QKI: variants seen among roughly 807,000 people sequenced by gnomAD.
The protein encoded by QKI is QKI, KH domain containing RNA binding.
Under a neutral mutation model 39.0 loss-of-function variants are expected in QKI, and 10 were observed. That is an observed-to-expected ratio of 0.26 (90% CI 0.16 to 0.43). The LOEUF (loss-of-function observed/expected upper bound fraction) is 0.43. Ranked by LOEUF, QKI falls within the 20% of genes least tolerant of loss-of-function variation. The pLI, the probability that QKI is intolerant of heterozygous loss-of-function variation, is 1.00. For synonymous variants in QKI, 204 were observed against 155.4 expected (o/e 1.31, Z -2.33); for missense variants, 218 against 428.0 (o/e 0.51, Z 4.33).
chr6:163,576,701 A>G lies in QKI; in HGVS notation c.*5991A>G, dbSNP rs749896981. ...GCATGTGCTTCATCCTCTCAAGCCA[A>G]CTGCAGCTGGAAAGTGCTGCTTATC... On this transcript the variant is annotated 3_prime_UTR_variant, in exon 8 of 8. Transcript: ENST00000361752. 6.6e-6 allele frequency: 1 copy of G among 152,158 alleles called. No homozygotes were observed. The highest frequency in any genetic ancestry group is 1.9e-4 in the East Asian group (1 of 5,196). The allele number at this position is 152,158 out of a possible 1,614,324, so 9.4% of individuals were successfully genotyped here. A position where few individuals can be genotyped will look rare whatever the true frequency, so the allele number is the denominator to read the frequency against.
At chr6:163,453,283 T>A (rs1192969364) in intron 1 of QKI, among the ~76,000 whole-genome samples, 1 of 152,104 alleles carries the variant, frequency 6.6e-6, no homozygotes, top group African/African-American at 2.4e-5. Flanking sequence ...TTTCAGATGT[T>A]TGCATCTATA....
In QKI at chr6:163,434,372, A is replaced by G. The variant is rs540654671; in HGVS notation, c.142+19037A>G. Among the ~76,000 whole-genome samples, 3 of 152,326 alleles carry G rather than the reference A, an allele frequency of 2.0e-5. No homozygotes were observed. The East Asian group carries it at 5.8e-4, about 29-fold the overall frequency. The stretch of plus-strand genomic sequence containing the variant: ...AGTTAGTTTTTTACCTAGATTTTAT[A>G]AAAACTAAACAATAATCAAGTTTAC... On this transcript the variant is annotated intron_variant, in intron 1 of 7. Coordinates refer to ENST00000361752, the MANE Select transcript of QKI (RefSeq NM_006775.3).
intron 3 of QKI, among the ~76,000 whole-genome samples, chr6:163,492,084 C>G (rs1778090349): frequency 6.6e-6 from 1 of 152,144 alleles, no homozygotes; most frequent in South Asian, 2.1e-4. Flanking sequence ...TTAGAGGATT[C>G]AGCTCTCTGT....
intron 6 of QKI, chr6:163,566,395 A>C: frequency 5.7e-6 from 7 of 1,222,144 alleles, no homozygotes; most frequent in Non-Finnish European, 7.2e-6. Context: ...TCCTGCTGCA[A>C]GAAAGGCACT....
At chr6:163,563,839 C>G in intron 6 of QKI, 120 bp downstream of exon 6, 2 of 1,475,054 alleles carry the variant, frequency 1.4e-6, no homozygotes, top group African/African-American at 1.4e-5. Flanking sequence ...TAGGGAAGAC[C>G]GAAAACTAAA....
chr6:163,462,788 A>G (rs1463215072), intron 2 of QKI, among the ~76,000 whole-genome samples: 2 of 152,152 alleles, frequency 1.3e-5, no homozygotes, highest in Non-Finnish European at 2.9e-5. Context: ...TATAGCCACA[A>G]TCCTGGTATG....
intron 1 of QKI, among the ~76,000 whole-genome samples, chr6:163,452,814 G>A (rs968608141): frequency 3.9e-5 from 6 of 151,982 alleles, no homozygotes; most frequent in African/African-American, 1.2e-4. Context: ...TGAAATCTCC[G>A]CCTCCTGAGT....
intron 1 of QKI, among the ~76,000 whole-genome samples, chr6:163,422,888 G>C (rs1225975131): frequency 2.6e-5 from 4 of 152,126 alleles, no homozygotes; most frequent in Non-Finnish European, 2.9e-5. Flanking sequence ...GGGAGCCCTT[G>C]GTTTTTAAGC....
intron 6 of QKI, chr6:163,564,737 G>C: frequency 6.2e-7 from 1 of 1,613,974 alleles, no homozygotes; most frequent in Non-Finnish European, 8.5e-7. Flanking sequence ...CTAGAATACA[G>C]CAGCTGTTAT....
intron 6 of QKI, 109 bp from the exon 7 acceptor site, chr6:163,566,612 T>C: frequency 6.5e-7 from 1 of 1,543,236 alleles, no homozygotes; most frequent in Non-Finnish European, 8.7e-7. Flanking sequence ...TTCTTAAACT[T>C]TTGTAGTAAA....
intron 3 of QKI, among the ~76,000 whole-genome samples, chr6:163,490,218 A>G (rs1191206754): frequency 6.6e-6 from 1 of 152,192 alleles, no homozygotes; most frequent in Non-Finnish European, 1.5e-5. Flanking sequence ...TATTTGTGAT[A>G]CTTAATTCCA....
chr6:163,511,167 C>T (rs73019469), intron 3 of QKI, among the ~76,000 whole-genome samples: 3,414 of 152,078 alleles, frequency 0.022, 60 homozygotes, highest in Middle Eastern at 0.037. Flanking sequence ...AAAGGGAAAT[C>T]AGAAAATATT....
At chr6:163,524,440 C>A (rs1780348101) in intron 3 of QKI, among the ~76,000 whole-genome samples, 1 of 151,978 alleles carries the variant, frequency 6.6e-6, no homozygotes, top group East Asian at 1.9e-4. Context: ...TCAGTCATCC[C>A]TTCCCAGTAT....
chr6:163,552,830 C>G (rs546795136), intron 4 of QKI, among the ~76,000 whole-genome samples: 2 of 152,218 alleles, frequency 1.3e-5, no homozygotes, highest in East Asian at 1.9e-4. Context: ...CTTTACCTTT[C>G]TATCTCAGTG....
At chr6:163,463,226 TAGA>T (rs1405507044) in intron 2 of QKI, among the ~76,000 whole-genome samples, 2 of 152,184 alleles carry the variant, frequency 1.3e-5, no homozygotes, top group Non-Finnish European at 2.9e-5. Flanking sequence ...TTAAGGTCAT[TAGA>T]AGAGAGGCAT....
chr6:163,558,551 C>T (rs1782793622), intron 4 of QKI, among the ~76,000 whole-genome samples: 1 of 152,084 alleles, frequency 6.6e-6, no homozygotes. Context: ...AGGCACCTGC[C>T]ACCACGCCCA....
intron 3 of QKI, among the ~76,000 whole-genome samples, chr6:163,512,779 A>G (rs573357417): frequency 6.6e-6 from 1 of 152,294 alleles, no homozygotes; most frequent in African/African-American, 2.4e-5. Flanking sequence ...GACATCTGAA[A>G]TTATTCACAG....
chr6:163,526,312 T>C (rs944298165), intron 3 of QKI, among the ~76,000 whole-genome samples: 2 of 152,238 alleles, frequency 1.3e-5, no homozygotes, highest in African/African-American at 4.8e-5. Flanking sequence ...CAGTAAATAT[T>C]CAATTGAGTA....
intron 3 of QKI, among the ~76,000 whole-genome samples, chr6:163,499,156 G>A (rs1778592239): frequency 2.0e-5 from 3 of 152,134 alleles, no homozygotes; most frequent in Admixed American, 1.3e-4. Context: ...GATTAAGGAT[G>A]CTCAATCTGG....
Sources: allele counts gnomAD v4.1 joint callset (sites outside exome capture counted in the v4.1 genomes callset), GRCh38; gene constraint gnomAD v4.1.1; transcripts MANE v1.5; gene names NCBI Gene and HGNC (gene_info 2026-07-23, HGNC 2026-07-21).